RBL1: variants seen among roughly 807,000 people sequenced by gnomAD.
RBL1 encodes the protein RB transcriptional corepressor like 1, also known as retinoblastoma-like protein 1.
A neutral mutation model predicts 123.0 loss-of-function variants in RBL1; 82 were observed. The ratio of observed to expected loss-of-function variants is 0.67; its 90% CI spans 0.56 to 0.80. The LOEUF (loss-of-function observed/expected upper bound fraction) is 0.80. Among genes scored for constraint, RBL1 ranks in the 30% least tolerant of loss-of-function variants. The pLI, the probability that RBL1 is intolerant of heterozygous loss-of-function variation, is 0.00. For missense variants in RBL1, 1,171 were observed against 1,299.6 expected (o/e 0.90, Z 1.52); for synonymous variants, 405 against 441.3 (o/e 0.92, Z 1.03).
intron 12 of RBL1, among the ~76,000 whole-genome samples, chr20:37,045,659 T>C (rs958752531): frequency 6.6e-6 from 1 of 152,096 alleles, no homozygotes; most frequent in Non-Finnish European, 1.5e-5. Flanking sequence ...TACTATGAGG[T>C]TGTTGACAAA....
intron 12 of RBL1, among the ~76,000 whole-genome samples, chr20:37,044,607 G>T (rs1273417391): frequency 6.6e-6 from 1 of 152,164 alleles, no homozygotes; most frequent in Non-Finnish European, 1.5e-5. Context: ...CCAAAGTGCT[G>T]GGACTACAGT....
chr20:37,062,982 CA>C (rs1216485232), intron 7 of RBL1, among the ~76,000 whole-genome samples: 5 of 148,238 alleles, frequency 3.4e-5, no homozygotes, highest in Non-Finnish European at 6.0e-5. Flanking sequence ...ACTCCGTCTC[CA>C]AAAAAAAATA....
rs1304580853 is a variant in RBL1, at chr20:37,051,713, T to TA, written c.1467+3839dup. On this transcript the variant is annotated intron_variant, in intron 11 of 21. Coordinates refer to ENST00000373664, the MANE Select transcript of RBL1 (RefSeq NM_002895.5). ...AGAGGGAGGAAAAAGAAAACAAAATTAAAAAAAAAAGAGTGAGAACAAACA... is the reference window on the plus strand; with the variant it reads ...AGAGGGAGGAAAAAGAAAACAAAATTAAAAAAAAAAAGAGTGAGAACAAACA... Among the ~76,000 whole-genome samples the TA allele has an allele frequency of 4.6e-3, 652 of 141,648 alleles. 16 individuals are homozygous for TA. Among genetic ancestry groups the TA allele is most frequent in the Admixed American group, 0.042 (601 of 14,228 alleles). 92.9% of individuals were successfully genotyped at this position (141,648 alleles called of 152,430 possible).
intron 17 of RBL1, among the ~76,000 whole-genome samples, chr20:37,022,233 C>G (rs994651463): frequency 1.3e-5 from 2 of 152,188 alleles, no homozygotes; most frequent in Admixed American, 6.5e-5. Context: ...ATATGTTATT[C>G]CATGACTTAA....
At chr20:37,051,669 A>G (rs1050908515) in intron 11 of RBL1, among the ~76,000 whole-genome samples, 6 of 152,172 alleles carry the variant, frequency 3.9e-5, no homozygotes, top group African/African-American at 1.4e-4. Context: ...GCTCTAAAAA[A>G]TGTTCAAGTA....
chr20:37,076,252 G>A (rs2065361829), intron 2 of RBL1, among the ~76,000 whole-genome samples: 1 of 152,064 alleles, frequency 6.6e-6, no homozygotes, highest in South Asian at 2.1e-4. Context: ...CATATATAGA[G>A]TATATATTTT....
intron 6 of RBL1, among the ~76,000 whole-genome samples, chr20:37,066,023 A>G (rs538453370): frequency 6.6e-6 from 1 of 152,344 alleles, no homozygotes; most frequent in East Asian, 1.9e-4. Context: ...AAATTTGTAT[A>G]AAAGAAGAAG....
At chr20:37,041,917 A>G (rs1385204651) in intron 13 of RBL1, among the ~76,000 whole-genome samples, 1 of 151,840 alleles carries the variant, frequency 6.6e-6, no homozygotes, top group African/African-American at 2.4e-5. Context: ...CCACAAATAT[A>G]AAGAAATTAG....
intron 11 of RBL1, among the ~76,000 whole-genome samples, chr20:37,047,658 G>GTT (rs2064838141): frequency 6.6e-6 from 1 of 152,182 alleles, no homozygotes; most frequent in African/African-American, 2.4e-5. Context: ...TTTAAAAATG[G>GTT]TATTTGTTGC....
Position 37,061,288 on chromosome 20 carries a change from C to T in RBL1, c.1084-19G>A. 6.2e-7 allele frequency: 1 copy of T among 1,603,636 alleles called. No homozygotes were observed. Among genetic ancestry groups the T allele is most frequent in the South Asian group, 1.1e-5 (1 of 89,984 alleles). On this transcript the variant is annotated intron_variant, in intron 8 of 21. Transcript: ENST00000373664. The stretch of plus-strand genomic sequence containing the variant: ...ACCTTTTCTGTCAGAAAAGAAAAAT[C>T]CGTGAGTTTTTAAAAGTTACCATCT...
Position 37,012,073 on chromosome 20 carries a change from T to C in RBL1, c.2723-4514A>G, listed in dbSNP as rs865882619. On this transcript the variant is annotated intron_variant, in intron 19 of 21. Coordinates refer to ENST00000373664, the MANE Select transcript of RBL1 (RefSeq NM_002895.5). Reference sequence around the variant, plus strand: ...GGAGACGGGGTTTCGCTGTGTTGGCTGGGCCGGTCTCCAGCTCCTAACCGC... The same window carrying C: ...GGAGACGGGGTTTCGCTGTGTTGGCCGGGCCGGTCTCCAGCTCCTAACCGC... Among the ~76,000 whole-genome samples, 30 of 152,332 alleles carry C rather than the reference T, an allele frequency of 2.0e-4. No individual in the cohort carries two copies. The South Asian group carries it at 2.1e-3, about 11-fold the overall frequency.
rs547300349 is a variant in RBL1 at position 37,073,908 on chromosome 20, C to A, written c.291-5722G>T. Among the ~76,000 whole-genome samples the A allele has an allele frequency of 1.1e-4, 16 of 151,314 alleles. No individual in the cohort carries two copies. The South Asian group carries it at 3.1e-3, about 30-fold the overall frequency. ...GATCACAAGGTCAGGAGATCGAGAC[C>A]ATCCTGGCTAACACAGTGAAACCCC... is the stretch of plus-strand genomic sequence containing the variant. On this transcript the variant is annotated intron_variant, in intron 2 of 21. Coordinates refer to ENST00000373664, the MANE Select transcript of RBL1 (RefSeq NM_002895.5).
intron 6 of RBL1, among the ~76,000 whole-genome samples, chr20:37,065,844 G>A (rs888090733): frequency 6.6e-6 from 1 of 152,026 alleles, no homozygotes; most frequent in Non-Finnish European, 1.5e-5. Flanking sequence ...GAACTCTTGG[G>A]CTCAAGCAAT....
At chr20:37,013,878 T>C (rs1200000336) in intron 19 of RBL1, among the ~76,000 whole-genome samples, 1 of 152,158 alleles carries the variant, frequency 6.6e-6, no homozygotes, top group Non-Finnish European at 1.5e-5. Flanking sequence ...ATAGGATATA[T>C]AAATTGTGTG....
intron 11 of RBL1, among the ~76,000 whole-genome samples, chr20:37,047,872 C>T (rs2064842697): frequency 1.3e-5 from 2 of 151,920 alleles, no homozygotes; most frequent in Admixed American, 1.3e-4. Flanking sequence ...CCCAGTTACT[C>T]CGGAGGCTGA....
chr20:37,028,621 A>C (rs980233603), intron 16 of RBL1, among the ~76,000 whole-genome samples: 4 of 152,194 alleles, frequency 2.6e-5, no homozygotes, highest in Non-Finnish European at 5.9e-5. Flanking sequence ...CACCCATGAG[A>C]TCCAACATGT....
chr20:37,032,040 G>A (rs977998783), intron 16 of RBL1, among the ~76,000 whole-genome samples: 2 of 150,908 alleles, frequency 1.3e-5, no homozygotes, highest in Non-Finnish European at 2.9e-5. Flanking sequence ...GAGCAACCAC[G>A]CCTGGTTTGA....
In RBL1 at chr20:37,095,793, G is replaced by A. The variant is rs1242829440; in HGVS notation, c.136C>T (p.Arg46Ter). The change falls in exon 1 of 22, where the codon CGA (arginine) becomes TGA (stop). Residue 46 changes from arginine to a stop codon, truncating the protein, a stop_gained. Coordinates refer to ENST00000373664, the MANE Select transcript of RBL1 (RefSeq NM_002895.5). LOFTEE classifies it high-confidence loss of function. ...CTCACCTCTAGGCTGTAGTTGCCTC[G>A]GATGGCAGTAAAGTCGTCCAGGGCT... ...AEALDDFTAI[R>*]GNYSLEGEVT... is the part of the protein sequence containing the mutation. 1.4e-5 allele frequency: 23 copies of A among 1,609,480 alleles called. No homozygotes were observed. The highest frequency in any genetic ancestry group is 2.0e-5 in the Non-Finnish European group (23 of 1,178,306).
intron 19 of RBL1, among the ~76,000 whole-genome samples, chr20:37,008,293 T>C (rs1360064334): frequency 6.6e-6 from 1 of 152,252 alleles, no homozygotes; most frequent in Non-Finnish European, 1.5e-5. Flanking sequence ...AGGTAAAGCA[T>C]ATCCTGAGAG....
Sources: allele counts gnomAD v4.1 joint callset (sites outside exome capture counted in the v4.1 genomes callset), GRCh38; gene constraint gnomAD v4.1.1; transcripts MANE v1.5; gene names NCBI Gene and HGNC (gene_info 2026-07-23, HGNC 2026-07-21).